NTN1: variants seen among roughly 807,000 people sequenced by gnomAD.
NTN1 encodes the protein netrin 1.
NTN1 carries 11 observed loss-of-function variants against 54.2 expected under a neutral mutation model. That is an observed-to-expected ratio of 0.20 (90% CI 0.13 to 0.34). The LOEUF (loss-of-function observed/expected upper bound fraction) is 0.34, where lower values mean the gene tolerates loss of function less well. Ranked by LOEUF, NTN1 falls within the 10% of genes least tolerant of loss-of-function variation. NTN1 has a pLI of 1.00. For missense variants in NTN1, 740 were observed against 893.1 expected (o/e 0.83, Z 2.18); for synonymous variants, 371 against 382.0 (o/e 0.97, Z 0.33).
At chr17:9,210,217 C>G (rs543578801) in intron 5 of NTN1, among the ~76,000 whole-genome samples, 27 of 152,108 alleles carry the variant, frequency 1.8e-4, no homozygotes, top group African/African-American at 6.5e-4. Context: ...ACAGGCTGCT[C>G]CTCCTGCTTG....
chr17:9,092,319 CTTTTT>C (rs148786553), intron 2 of NTN1, among the ~76,000 whole-genome samples: 4 of 91,714 alleles, frequency 4.4e-5, no homozygotes, highest in Non-Finnish European at 8.3e-5. Flanking sequence ...CTTTTCTTCT[CTTTTT>C]TTTTTTTTTT....
chr17:9,136,612 A>G (rs2092282387), intron 2 of NTN1, among the ~76,000 whole-genome samples: 1 of 152,156 alleles, frequency 6.6e-6, no homozygotes, highest in African/African-American at 2.4e-5. Context: ...AAAAAGAAAA[A>G]AGAGCATAGT....
In NTN1 at chr17:9,185,624, G is replaced by A. The variant is rs921750464; in HGVS notation, c.1411+2655G>A. Among the ~76,000 whole-genome samples, 39 of 152,212 alleles carry A rather than the reference G, an allele frequency of 2.6e-4. 1 individual carries two copies. Among genetic ancestry groups the A allele is most frequent in the African/African-American group, 9.4e-4 (39 of 41,534 alleles). On this transcript the variant is annotated intron_variant, in intron 5 of 6. Coordinates refer to ENST00000173229, the MANE Select transcript of NTN1 (RefSeq NM_004822.3). ...GGCCGGGTAGGCCAGGAGGGAAACA[G>A]GGAGGAAAGGAGAGAGGGACCACCC...
chr17:9,221,052 C>T lies in NTN1; in HGVS notation c.1412-116C>T. 1.2e-6 allele frequency: 1 copy of T among 807,978 alleles called. No individual in the cohort carries two copies. The highest frequency in any genetic ancestry group is 2.2e-6 in the Non-Finnish European group (1 of 457,382). The allele number at this position is 807,978 out of a possible 1,614,324, so 50.1% of individuals were successfully genotyped here. On this transcript the variant is annotated intron_variant, in intron 5 of 6. Transcript: ENST00000173229. This position sits in a 1 kb window ranked among gnomAD's most constrained non-coding sequence, Gnocchi z 4.5. ...GGCCGCCTGCCCGCCCGGCCTGGCCCATGGGTATCACAGGCCTCTGGCTAT... is the reference window on the plus strand; with the variant it reads ...GGCCGCCTGCCCGCCCGGCCTGGCCTATGGGTATCACAGGCCTCTGGCTAT...
intron 2 of NTN1, among the ~76,000 whole-genome samples, chr17:9,142,308 G>GA (rs369780835): frequency 1.3e-5 from 2 of 149,100 alleles, no homozygotes; most frequent in African/African-American, 2.5e-5. Context: ...AAAAAAAAAA[G>GA]AAAAAAACCA....
At chr17:9,121,872 C>T (rs2092232593) in intron 2 of NTN1, among the ~76,000 whole-genome samples, 1 of 152,190 alleles carries the variant, frequency 6.6e-6, no homozygotes, top group Admixed American at 6.5e-5. Flanking sequence ...GTCCTCCTGT[C>T]ACCTTTTCAG....
chr17:9,217,517 C>T (rs1315521944), intron 5 of NTN1, among the ~76,000 whole-genome samples: 1 of 152,204 alleles, frequency 6.6e-6, no homozygotes, highest in East Asian at 1.9e-4. Context: ...GAAGCACTCT[C>T]TGTAGCTTTG....
At chr17:9,100,090 T>G (rs55963889) in intron 2 of NTN1, among the ~76,000 whole-genome samples, 1 of 150,934 alleles carries the variant, frequency 6.6e-6, no homozygotes, top group Non-Finnish European at 1.5e-5. Context: ...CTGGGAATAC[T>G]GACATGAGCC....
rs1905278205 is a variant in NTN1, at chr17:9,219,239, C to A, written c.1412-1929C>A. 6.6e-6 allele frequency among the ~76,000 whole-genome samples: 1 copy of A among 152,176 alleles called. No homozygotes were observed. The stretch of plus-strand genomic sequence containing the variant: ...TGGGCTGCCGTCACTTTCATCCCAA[C>A]CTCTCAGGCTTGGCCACAGTAGAGT... On this transcript the variant is annotated intron_variant, in intron 5 of 6. Transcript: ENST00000173229. The surrounding 1 kb of genome is among the most constrained non-coding windows in gnomAD (Gnocchi z 4.5).
chr17:9,153,217 T>C (rs894293931), intron 2 of NTN1, among the ~76,000 whole-genome samples: 1 of 151,940 alleles, frequency 6.6e-6, no homozygotes. Flanking sequence ...TGCAGTTAGG[T>C]GGGCAGATCA....
Position 9,211,597 on chromosome 17 carries a change from G to A in NTN1, c.1412-9571G>A, listed in dbSNP as rs1006420009. ...AAATTCCTAGAAGTGCGGTTGCTGC[G>A]TTGGAGTATGCATGTGTATGTTCTC... On this transcript the variant is annotated intron_variant, in intron 5 of 6. Transcript: ENST00000173229. This position sits in a 1 kb window ranked among gnomAD's most constrained non-coding sequence, Gnocchi z 4.4. Among the ~76,000 whole-genome samples, 23 of 152,182 alleles carry A rather than the reference G, an allele frequency of 1.5e-4. No individual in the cohort carries two copies. Among genetic ancestry groups the A allele is most frequent in the African/African-American group, 5.1e-4 (21 of 41,442 alleles).
chr17:9,051,836 A>C (rs1054920774), intron 2 of NTN1, among the ~76,000 whole-genome samples: 1 of 152,152 alleles, frequency 6.6e-6, no homozygotes, highest in Admixed American at 6.5e-5. Context: ...ACCAGTGTCT[A>C]TCCATCCCCC....
intron 2 of NTN1, among the ~76,000 whole-genome samples, chr17:9,088,137 C>G (rs1213195173): frequency 1.3e-5 from 2 of 152,158 alleles, no homozygotes; most frequent in Admixed American, 6.5e-5. Context: ...GGTGCACGAG[C>G]CACCCAGTGG....
chr17:9,036,273 G>A (rs1017368011), intron 2 of NTN1, among the ~76,000 whole-genome samples: 3 of 152,006 alleles, frequency 2.0e-5, no homozygotes, highest in African/African-American at 7.2e-5. Context: ...ATGGAGGTTA[G>A]TTAAGGTGCC....
rs187768103 is a variant in NTN1, at chr17:9,024,952, T to C, written c.1018+1561T>C. Among the ~76,000 whole-genome samples the C allele has an allele frequency of 2.0e-5, 3 of 152,366 alleles. No homozygotes were observed. The East Asian group carries it at 5.8e-4, about 29-fold the overall frequency. The stretch of plus-strand genomic sequence containing the variant: ...CTCGGAAATGTTGGTTTTTCCCATC[T>C]CTTCTTTTCCCCCTCCTTCCTCTTT... On this transcript the variant is annotated intron_variant, in intron 2 of 6. Coordinates refer to ENST00000173229, the MANE Select transcript of NTN1 (RefSeq NM_004822.3).
At chr17:9,126,831 C>T (rs1013009404) in intron 2 of NTN1, among the ~76,000 whole-genome samples, 7 of 151,966 alleles carry the variant, frequency 4.6e-5, no homozygotes, top group Non-Finnish European at 1.0e-4. Flanking sequence ...GATATCAGCT[C>T]GAGGGGGCTG....
At chr17:9,122,766 T>G (rs1471645635) in intron 2 of NTN1, among the ~76,000 whole-genome samples, 1 of 152,260 alleles carries the variant, frequency 6.6e-6, no homozygotes, top group African/African-American at 2.4e-5. Context: ...GTCTGTTGCC[T>G]GGTGGACCTT....
chr17:9,230,727 G>A (rs1158789545), intron 6 of NTN1, among the ~76,000 whole-genome samples: 3 of 152,264 alleles, frequency 2.0e-5, no homozygotes, highest in Non-Finnish European at 4.4e-5. Flanking sequence ...CCCGCAGAGC[G>A]GGAGCCCTGA....
the NTN1 span, among the ~76,000 whole-genome samples, chr17:9,011,090 T>C: frequency 6.6e-6 from 1 of 152,154 alleles, no homozygotes; most frequent in South Asian, 2.1e-4. Context: ...GCATTCTTGC[T>C]TCTGTGAGAA....
Sources: gnomAD v4.1 joint callset for allele counts (sites outside exome capture counted in the v4.1 genomes callset) on GRCh38, gnomAD v4.1.1 for gene constraint, Gnocchi (gnomAD v3.1) non-coding constraint, MANE v1.5 for transcripts, NCBI Gene and HGNC (gene_info 2026-07-23, HGNC 2026-07-21) for gene names.